Variants in ARID3B observed in about 807,000 individuals in gnomAD.
ARID3B encodes AT-rich interaction domain 3B, also known as AT-rich interactive domain-containing protein 3B.
ARID3B carries 10 observed loss-of-function variants against 51.9 expected under a neutral mutation model. That is an observed-to-expected ratio of 0.19 (90% CI 0.12 to 0.33). ARID3B has a LOEUF of 0.33. Ranked by LOEUF, ARID3B falls within the 10% of genes least tolerant of loss-of-function variation. The pLI is 1.00. For synonymous variants in ARID3B, 205 were observed against 279.5 expected, an observed-to-expected ratio of 0.73 and a Z score of 2.66; for missense variants, 483 against 716.3, an observed-to-expected ratio of 0.67 and a Z score of 3.72.
chr15:74,562,193 G>A (rs903358473), intron 2 of ARID3B, among the ~76,000 whole-genome samples: 5 of 151,980 alleles, frequency 3.3e-5, no homozygotes, highest in Non-Finnish European at 7.4e-5. Flanking sequence ...CCAGGCTGGA[G>A]TGCAATAGCA....
At position 74,562,124 on chromosome 15, in the gene ARID3B, ATTTTC is replaced by A. The variant is rs200129208; in HGVS notation, c.553-10713_553-10709del. Among the ~76,000 whole-genome samples the A allele has an allele frequency of 1.8e-3, 264 of 149,290 alleles. 3 individuals carry two copies. Among genetic ancestry groups the A allele is most frequent in the Middle Eastern group, 3.5e-3 (1 of 282 alleles). On this transcript the variant is annotated intron_variant, in intron 2 of 8. Coordinates refer to ENST00000346246, the MANE Select transcript of ARID3B (RefSeq NM_006465.4). ...TATTAAATGCATTTCCGACAACGGT[ATTTTC>A]TTTTCTTTTCTTTTCTTTTCTTTTT...
In ARID3B at chr15:74,572,754, C is replaced by T. The variant is rs1567122001; in HGVS notation, c.553-108C>T. The T allele has an allele frequency of 2.9e-6, 3 of 1,048,892 alleles. No individual in the cohort carries two copies. In the African/African-American group the frequency reaches 4.7e-5, roughly 16 times the overall value. 65.0% of individuals were successfully genotyped at this position (1,048,892 alleles called of 1,614,324 possible). A position where few individuals can be genotyped will look rare whatever the true frequency, so the allele number is the denominator to read the frequency against. ...TCTTTTATAGTATGAGTGAGGATAG[C>T]ACAATTGCTAAGCATCTTCATCTTT... is the stretch of plus-strand genomic sequence containing the variant. On this transcript the variant is annotated intron_variant, in intron 2 of 8. Coordinates refer to ENST00000346246, the MANE Select transcript of ARID3B (RefSeq NM_006465.4).
At chr15:74,555,964 TG>T (rs753760167) in intron 2 of ARID3B, among the ~76,000 whole-genome samples, 8 of 151,530 alleles carry the variant, frequency 5.3e-5, no homozygotes, top group Non-Finnish European at 7.4e-5. Context: ...GCTAATTTTT[TG>T]GTATTTTTAG....
intron 2 of ARID3B, among the ~76,000 whole-genome samples, chr15:74,564,469 A>T (rs920358917): frequency 3.3e-5 from 5 of 152,258 alleles, no homozygotes; most frequent in African/African-American, 1.2e-4. Flanking sequence ...ATGATAAGAT[A>T]GTTTATTTGT....
chr15:74,589,779 T>C, intron 4 of ARID3B, 41 bp from the exon 5 acceptor site: 3 of 1,565,756 alleles, frequency 1.9e-6, no homozygotes, highest in Non-Finnish European at 2.6e-6. Context: ...CTCAGCCTGA[T>C]GATGATCCCG....
At chr15:74,542,957 CTTT>C (rs1002033905) in intron 1 of ARID3B, among the ~76,000 whole-genome samples, 5 of 152,044 alleles carry the variant, frequency 3.3e-5, no homozygotes, top group African/African-American at 1.2e-4. Flanking sequence ...AAAGACTTTT[CTTT>C]TTGTGTTTGT....
rs931267544 is a variant in ARID3B, at chr15:74,596,956, G to A, written c.*1182G>A. 4.3e-6 allele frequency: 1 copy of A among 233,922 alleles called. No individual in the cohort carries two copies. Among genetic ancestry groups the A allele is most frequent in the Non-Finnish European group, 8.5e-6 (1 of 118,180 alleles). 14.5% of individuals were successfully genotyped at this position (233,922 alleles called of 1,614,324 possible). On this transcript the variant is annotated 3_prime_UTR_variant, in exon 9 of 9. Coordinates refer to ENST00000346246, the MANE Select transcript of ARID3B (RefSeq NM_006465.4). ...ATGCAGGGGAGACGACTCAGGGATCGCGGGGGCGGGGAGGTGGAGTGGAGA... is the reference window on the plus strand; with the variant it reads ...ATGCAGGGGAGACGACTCAGGGATCACGGGGGCGGGGAGGTGGAGTGGAGA...
chr15:74,552,414 C>T (rs912373610), intron 2 of ARID3B, among the ~76,000 whole-genome samples: 31 of 137,338 alleles, frequency 2.3e-4, no homozygotes, highest in Non-Finnish European at 4.7e-4. Flanking sequence ...AGGCTGGTCT[C>T]GAACTCCCGA....
chr15:74,580,973 G>C (rs765797088), intron 4 of ARID3B, among the ~76,000 whole-genome samples: 9 of 152,212 alleles, frequency 5.9e-5, no homozygotes, highest in African/African-American at 1.2e-4. Flanking sequence ...GGGCAGATGT[G>C]ACAACTCAGA....
At chr15:74,579,811 T>C (rs1303259577) in intron 4 of ARID3B, among the ~76,000 whole-genome samples, 3 of 150,502 alleles carry the variant, frequency 2.0e-5, no homozygotes, top group African/African-American at 7.3e-5. Context: ...TGATGCCCCT[T>C]TGGGCTCACC....
rs1280141431 is a variant in ARID3B at position 74,596,937 on chromosome 15, G to C, written c.*1163G>C. On this transcript the variant is annotated 3_prime_UTR_variant, in exon 9 of 9. Transcript: ENST00000346246. Reference sequence around the variant, plus strand: ...TGAGGAGGTGGGTGGAGGCATGCAGGGGAGACGACTCAGGGATCGCGGGGG... The same window carrying C: ...TGAGGAGGTGGGTGGAGGCATGCAGCGGAGACGACTCAGGGATCGCGGGGG... 4.3e-6 allele frequency: 1 copy of C among 233,892 alleles called. No individual in the cohort carries two copies. The highest frequency in any genetic ancestry group is 8.5e-6 in the Non-Finnish European group (1 of 118,250). The allele number at this position is 233,892 out of a possible 1,614,324, so 14.5% of individuals were successfully genotyped here. A position where few individuals can be genotyped will look rare whatever the true frequency, so the allele number is the denominator to read the frequency against.
chr15:74,576,033 A>T (rs1475906063), intron 4 of ARID3B, among the ~76,000 whole-genome samples: 1 of 152,158 alleles, frequency 6.6e-6, no homozygotes, highest in East Asian at 1.9e-4. Context: ...AGTAGCTGGG[A>T]CTATAGGTAG....
chr15:74,558,141 C>G (rs2061666162), intron 2 of ARID3B, among the ~76,000 whole-genome samples: 1 of 148,164 alleles, frequency 6.7e-6, no homozygotes, highest in African/African-American at 2.5e-5. Context: ...TTTTATTCCA[C>G]TTGGGTCTCT....
At chr15:74,572,774 A>G in intron 2 of ARID3B, 88 bp from the exon 3 acceptor site, 2 of 1,280,692 alleles carry the variant, frequency 1.6e-6, no homozygotes, top group Non-Finnish European at 2.3e-6. Context: ...AAGCATCTTC[A>G]TCTTTGCCCT....
rs367980283 is a variant in ARID3B, at chr15:74,543,817, G to T, written c.-77-43G>T. ...CTTTTTATACCTGCTTAACATGGTT[G>T]TTTTTTCCCCCTCCTTCTTTGTGGT... On this transcript the variant is annotated intron_variant, in intron 1 of 8. Coordinates refer to ENST00000346246, the MANE Select transcript of ARID3B (RefSeq NM_006465.4). The T allele has an allele frequency of 5.6e-5, 76 of 1,345,904 alleles. 1 individual carries two copies. Among genetic ancestry groups the T allele is most frequent in the East Asian group, 5.5e-4 (24 of 43,330 alleles). The allele number at this position is 1,345,904 out of a possible 1,614,324, so 83.4% of individuals were successfully genotyped here. A position where few individuals can be genotyped will look rare whatever the true frequency, so the allele number is the denominator to read the frequency against.
At position 74,541,241 on chromosome 15, in the gene ARID3B, G is replaced by A. The variant is rs1285088831; in HGVS notation, c.-167G>A. 1 of 143,710 alleles carries A rather than the reference G, an allele frequency of 7.0e-6. No individual in the cohort carries two copies. The highest frequency in any genetic ancestry group is 1.5e-5 in the Non-Finnish European group (1 of 65,716). The allele number at this position is 143,710 out of a possible 1,614,324, so 8.9% of individuals were successfully genotyped here. On this transcript the variant is annotated 5_prime_UTR_variant, in exon 1 of 9. Transcript: ENST00000346246. ...GGGCCCCGCCCCGGCTGTGGCCCCC[G>A]GCTGCGGAGGAGTCCGAGACGCAGC... is the stretch of plus-strand genomic sequence containing the variant.
chr15:74,550,981 T>G (rs555664129), intron 2 of ARID3B, among the ~76,000 whole-genome samples: 2 of 152,308 alleles, frequency 1.3e-5, no homozygotes, highest in African/African-American at 4.8e-5. Context: ...TGCAGGGGAT[T>G]GGTTCCAAGA....
At chr15:74,577,241 G>A (rs1048908921) in intron 4 of ARID3B, among the ~76,000 whole-genome samples, 36 of 151,928 alleles carry the variant, frequency 2.4e-4, no homozygotes, top group African/African-American at 8.2e-4. Flanking sequence ...AGGCCTAGGT[G>A]GGAGGATCAC....
chr15:74,555,655 C>T (rs1195173129), intron 2 of ARID3B, among the ~76,000 whole-genome samples: 1 of 151,970 alleles, frequency 6.6e-6, no homozygotes, highest in African/African-American at 2.4e-5. Context: ...TGACCTCCTC[C>T]CATGAATCAT....
Sources: allele counts gnomAD v4.1 joint callset (sites outside exome capture counted in the v4.1 genomes callset), GRCh38; gene constraint gnomAD v4.1.1; transcripts MANE v1.5; gene names NCBI Gene and HGNC (gene_info 2026-07-23, HGNC 2026-07-21).